The following TNFRSF11A variants were observed in gnomAD, a reference collection of about 807,000 sequenced individuals.
The protein encoded by TNFRSF11A is tumor necrosis factor receptor superfamily member 11A.
A neutral mutation model predicts 55.7 loss-of-function variants in TNFRSF11A; 32 were observed. The ratio of observed to expected loss-of-function variants is 0.57; its 90% CI spans 0.43 to 0.77. TNFRSF11A has a LOEUF of 0.77. TNFRSF11A is among the 30% of genes least tolerant of loss of function. The probability of loss-of-function intolerance (pLI) is 0.00; values close to 1 mark genes in which losing one functional copy is unlikely to be tolerated. For synonymous variants in TNFRSF11A, 311 were observed against 331.0 expected, an observed-to-expected ratio of 0.94 and a Z score of 0.65; for missense variants, 753 against 809.8, an observed-to-expected ratio of 0.93 and a Z score of 0.85.
At position 62,386,410 on chromosome 18, in the gene TNFRSF11A, G is replaced by GCA. The variant is rs1232434346; in HGVS notation, c.*1377_*1378dup. 6.6e-6 allele frequency: 1 copy of GCA among 152,150 alleles called. No homozygotes were observed. The highest frequency in any genetic ancestry group is 1.5e-5 in the Non-Finnish European group (1 of 68,024). The allele number at this position is 152,150 out of a possible 1,614,324, so 9.4% of individuals were successfully genotyped here. On this transcript the variant is annotated 3_prime_UTR_variant, in exon 10 of 10. Transcript: ENST00000586569. ...TGCATTTAAATGTAAAGCCAAATCT[G>GCA]CATGTTGTGAATTTAAGAAAACTTA...
intron 9 of TNFRSF11A, among the ~76,000 whole-genome samples, chr18:62,376,937 C>T (rs1469162782): frequency 4.6e-5 from 7 of 152,022 alleles, no homozygotes; most frequent in South Asian, 2.1e-4. Flanking sequence ...TTTTTTCAGA[C>T]GGAGTCTCAT....
intron 1 of TNFRSF11A, among the ~76,000 whole-genome samples, chr18:62,333,791 T>C (rs2046190455): frequency 6.6e-6 from 1 of 152,060 alleles, no homozygotes; most frequent in Non-Finnish European, 1.5e-5. Context: ...GGGACACCCA[T>C]GCAAATGCGT....
At chr18:62,360,881 T>G (rs1358371735) in intron 6 of TNFRSF11A, among the ~76,000 whole-genome samples, 1 of 152,128 alleles carries the variant, frequency 6.6e-6, no homozygotes, top group Non-Finnish European at 1.5e-5. Flanking sequence ...AAGGAGACCT[T>G]TCAGATGAGG....
At chr18:62,343,206 A>G (rs2046337999) in intron 1 of TNFRSF11A, among the ~76,000 whole-genome samples, 1 of 152,260 alleles carries the variant, frequency 6.6e-6, no homozygotes, top group Admixed American at 6.5e-5. Context: ...AAATTCTGAA[A>G]TATAGTCAAG....
At position 62,342,401 on chromosome 18, in the gene TNFRSF11A, C is replaced by CAAAAAAAAAAAAAAAAAAAA. The variant is rs371734407; in HGVS notation, c.76-5762_76-5743dup. Among the ~76,000 whole-genome samples the CAAAAAAAAAAAAAAAAAAAA allele has an allele frequency of 1.3e-3, 80 of 62,216 alleles. 5 individuals are homozygous for CAAAAAAAAAAAAAAAAAAAA. Among genetic ancestry groups the CAAAAAAAAAAAAAAAAAAAA allele is most frequent in the Non-Finnish European group, 2.3e-3 (66 of 29,004 alleles). 40.8% of individuals were successfully genotyped at this position (62,216 alleles called of 152,430 possible). A position where few individuals can be genotyped will look rare whatever the true frequency, so the allele number is the denominator to read the frequency against. On this transcript the variant is annotated intron_variant, in intron 1 of 9. Transcript: ENST00000586569. ...TGGGTGACAGAGTGAGATTCTGTCT[C>CAAAAAAAAAAAAAAAAAAAA]AAAAAAAAAAAAAAAAAAAAAAAAT...
intron 7 of TNFRSF11A, among the ~76,000 whole-genome samples, chr18:62,364,868 C>T (rs938752039): frequency 3.3e-5 from 5 of 152,134 alleles, no homozygotes; most frequent in Admixed American, 1.3e-4. Context: ...CTCCCTGGCA[C>T]GCTTAAGTGC....
At chr18:62,330,930 G>C (rs974472538) in intron 1 of TNFRSF11A, 2 of 152,376 alleles carry the variant, frequency 1.3e-5, no homozygotes, top group African/African-American at 4.8e-5. Context: ...AATAAGGCCG[G>C]GTGTGGTGGC....
At chr18:62,361,656 A>G (rs1178689081) in intron 6 of TNFRSF11A, 24 bp from the exon 7 acceptor site, 2 of 1,584,034 alleles carry the variant, frequency 1.3e-6, no homozygotes, top group Non-Finnish European at 8.7e-7. Flanking sequence ...TTACTACCAT[A>G]TTTCTCATTT....
rs9653064 is a variant in TNFRSF11A, at chr18:62,360,128, G to A, written c.616+79G>A. 0.5 allele frequency: 560,711 copies of A among 1,118,294 alleles called. 144,844 individuals are homozygous for A. The highest frequency in any genetic ancestry group is 0.68 in the East Asian group (28,439 of 41,594). 69.3% of individuals were successfully genotyped at this position (1,118,294 alleles called of 1,614,324 possible). A position where few individuals can be genotyped will look rare whatever the true frequency, so the allele number is the denominator to read the frequency against. On this transcript the variant is annotated intron_variant, in intron 6 of 9. Coordinates refer to ENST00000586569, the MANE Select transcript of TNFRSF11A (RefSeq NM_003839.4). Reference sequence around the variant, plus strand: ...GGTTTAGATCCCTCCCAGATGGCACGTGGATTTGCGGGCGTCCTCTCCCCC... The same window carrying A: ...GGTTTAGATCCCTCCCAGATGGCACATGGATTTGCGGGCGTCCTCTCCCCC...
chr18:62,347,738 C>A (rs1366983225), intron 1 of TNFRSF11A, among the ~76,000 whole-genome samples: 1 of 151,994 alleles, frequency 6.6e-6, no homozygotes, highest in East Asian at 1.9e-4. Context: ...CATGGTGAAA[C>A]CCCGTCTCTA....
rs1223751916 is a variant in TNFRSF11A at position 62,387,254 on chromosome 18, CA to C, written c.*2223del. ...GATCCCTACTAATTCTATATTGATC[CA>C]AAGGCAACTCAATGCTAAAAAATGT... On this transcript the variant is annotated 3_prime_UTR_variant, in exon 10 of 10. Coordinates refer to ENST00000586569, the MANE Select transcript of TNFRSF11A (RefSeq NM_003839.4). The C allele has an allele frequency of 6.6e-6, 1 of 151,976 alleles. No individual in the cohort carries two copies. Among genetic ancestry groups the C allele is most frequent in the Non-Finnish European group, 1.5e-5 (1 of 68,018 alleles). The allele number at this position is 151,976 out of a possible 1,614,324, so 9.4% of individuals were successfully genotyped here.
chr18:62,341,565 T>C (rs1258614234), intron 1 of TNFRSF11A, among the ~76,000 whole-genome samples: 1 of 152,216 alleles, frequency 6.6e-6, no homozygotes, highest in African/African-American at 2.4e-5. Context: ...CTAATTCCAC[T>C]CAGCTGTGCC....
rs756637700 is a variant in TNFRSF11A at position 62,361,727 on chromosome 18, T to A, written c.664T>A (p.Ser222Thr). Residue 222 changes from serine to threonine, a missense_variant, in exon 7 of 10, where the codon TCT becomes ACT. By Grantham distance (58) the Ser-to-Thr change is moderately conservative. This residue lies in a region of TNFRSF11A where 567 missense variants were observed against 596.7 expected (regional missense o/e 0.95). Transcript: ENST00000586569. ...PGLIILLLFA[S>T]VALVAAIIFG... Reference sequence around the variant, plus strand: ...TTTAATAATTCTGCTTCTCTTCGCGTCTGTGGCCCTGGTGGCTGCCATCAT... The same window carrying A: ...TTTAATAATTCTGCTTCTCTTCGCGACTGTGGCCCTGGTGGCTGCCATCAT... The A allele has an allele frequency of 1.9e-6, 3 of 1,614,222 alleles. No individual in the cohort carries two copies. In the South Asian group the frequency reaches 3.3e-5, roughly 18 times the overall value.
chr18:62,338,716 G>A (rs1228706658), intron 1 of TNFRSF11A, among the ~76,000 whole-genome samples: 1 of 152,170 alleles, frequency 6.6e-6, no homozygotes, highest in Non-Finnish European at 1.5e-5. Context: ...TATTTGGGGT[G>A]ATGAGAATGT....
At chr18:62,333,331 C>G (rs1220682018) in intron 1 of TNFRSF11A, among the ~76,000 whole-genome samples, 1 of 152,182 alleles carries the variant, frequency 6.6e-6, no homozygotes, top group Admixed American at 6.5e-5. Flanking sequence ...ATCAGAAACT[C>G]TGGGGGTGGG....
At chr18:62,337,888 A>G (rs991005087) in intron 1 of TNFRSF11A, among the ~76,000 whole-genome samples, 5 of 152,322 alleles carry the variant, frequency 3.3e-5, no homozygotes, top group Admixed American at 2.6e-4. Context: ...ATGAATGTGT[A>G]TCTGATTGGT....
Position 62,351,921 on chromosome 18 carries a change from C to G in TNFRSF11A, c.283+1984C>G, listed in dbSNP as rs149734314. On this transcript the variant is annotated intron_variant, in intron 3 of 9. Transcript: ENST00000586569. ...AAACGATTCTCCTGCCTTGGCCTCC[C>G]AAGTAGCTGGGATTACAGGCACGTG... is the stretch of plus-strand genomic sequence containing the variant. 2.6e-5 allele frequency among the ~76,000 whole-genome samples: 4 copies of G among 152,316 alleles called. No homozygotes were observed. In the East Asian group the frequency reaches 7.7e-4, roughly 29 times the overall value.
At chr18:62,345,084 A>T (rs2046363771) in intron 1 of TNFRSF11A, among the ~76,000 whole-genome samples, 1 of 152,220 alleles carries the variant, frequency 6.6e-6, no homozygotes, top group Non-Finnish European at 1.5e-5. Flanking sequence ...TGGATTTCCT[A>T]AGAGTTACAA....
rs959728505 is a variant in TNFRSF11A, at chr18:62,390,225, C to T, written c.*5191C>T. ...TTTGCAACTAGGTCGGAGGGACGCA[C>T]CTTCTCCACAGTTGACAGGACTGTT... On this transcript the variant is annotated 3_prime_UTR_variant, in exon 10 of 10. Transcript: ENST00000586569. 1.3e-5 allele frequency: 2 copies of T among 152,212 alleles called. No individual in the cohort carries two copies. Among genetic ancestry groups the T allele is most frequent in the Non-Finnish European group, 2.9e-5 (2 of 68,050 alleles). 9.4% of individuals were successfully genotyped at this position (152,212 alleles called of 1,614,324 possible). A position where few individuals can be genotyped will look rare whatever the true frequency, so the allele number is the denominator to read the frequency against.
Sources: gnomAD v4.1 joint callset for allele counts (sites outside exome capture counted in the v4.1 genomes callset) on GRCh38, gnomAD v4.1.1 for gene constraint, gnomAD v4.1.1 regional missense constraint, MANE v1.5 for transcripts, NCBI Gene and HGNC (gene_info 2026-07-23, HGNC 2026-07-21) for gene names.